Variants in PTPN11 observed in about 807,000 individuals in gnomAD.
The protein encoded by PTPN11 is protein tyrosine phosphatase non-receptor type 11, also known as tyrosine-protein phosphatase non-receptor type 11.
In PTPN11, 6 loss-of-function variants were observed where a neutral mutation model predicts 78.8. That is an observed-to-expected ratio of 0.08 (90% confidence interval 0.04 to 0.15). The LOEUF (loss-of-function observed/expected upper bound fraction) is 0.15. PTPN11 is among the 10% of genes least tolerant of loss of function. The pLI is 1.00. For synonymous variants in PTPN11, 221 were observed against 263.5 expected (o/e 0.84, Z 1.56); for missense variants, 386 against 744.8 (o/e 0.52, Z 5.61).
intron 1 of PTPN11, among the ~76,000 whole-genome samples, chr12:112,423,148 G>T (rs2037550644): frequency 6.6e-6 from 1 of 152,176 alleles, no homozygotes; most frequent in Non-Finnish European, 1.5e-5. Flanking sequence ...GAGCAAATGT[G>T]TATATGTGAC....
rs2135861812 is a variant in PTPN11, at chr12:112,450,309, C to T, written c.138-9C>T. ...TCCCCTTGCCTCCCTTTCCAATGGA[C>T]TATTTTAGAAGAAATGGAGCTGTCA... On this transcript the variant is annotated splice_polypyrimidine_tract_variant and intron_variant, in intron 2 of 15. Coordinates refer to ENST00000351677, the MANE Select transcript of PTPN11 (RefSeq NM_002834.5). The T allele has an allele frequency of 1.9e-6, 3 of 1,594,176 alleles. No homozygotes were observed. Among genetic ancestry groups the T allele is most frequent in the South Asian group, 1.1e-5 (1 of 90,660 alleles).
At chr12:112,492,769 G>A (rs1021234154) in intron 13 of PTPN11, among the ~76,000 whole-genome samples, 3 of 152,004 alleles carry the variant, frequency 2.0e-5, no homozygotes, top group Non-Finnish European at 2.9e-5. Flanking sequence ...TGCCCGCCTT[G>A]GCCTCCCAAA....
rs890181552 is a variant in PTPN11 at position 112,504,533 on chromosome 12, T to C, written c.1713-162T>C. Among the ~76,000 whole-genome samples, 4 of 152,240 alleles carry C rather than the reference T, an allele frequency of 2.6e-5. No homozygotes were observed. Among genetic ancestry groups the C allele is most frequent in the African/African-American group, 9.6e-5 (4 of 41,464 alleles). The stretch of plus-strand genomic sequence containing the variant: ...CTCTGTAATTATATTGCTGTATGGC[T>C]ATCTCTTCTCTCCCTGGGAATGTCA... On this transcript the variant is annotated intron_variant, in intron 14 of 15. Transcript: ENST00000351677. This position sits in a 1 kb window ranked among gnomAD's most constrained non-coding sequence, Gnocchi z 4.7.
chr12:112,472,008 CTGTT>C (rs1450991261), intron 6 of PTPN11, among the ~76,000 whole-genome samples: 10 of 151,744 alleles, frequency 6.6e-5, no homozygotes, highest in African/African-American at 9.7e-5. Flanking sequence ...ATTGGCCAGT[CTGTT>C]TGTCATGTCA....
intron 13 of PTPN11, among the ~76,000 whole-genome samples, chr12:112,492,497 C>T (rs1388555494): frequency 3.3e-5 from 5 of 151,534 alleles, no homozygotes; most frequent in East Asian, 3.9e-4. Flanking sequence ...CTGGAGACTG[C>T]GTAAATTACC....
intron 1 of PTPN11, among the ~76,000 whole-genome samples, chr12:112,437,889 G>T (rs2037819202): frequency 6.6e-6 from 1 of 151,974 alleles, no homozygotes. Context: ...TTTAATACAA[G>T]TTGGTCTGCC....
intron 1 of PTPN11, among the ~76,000 whole-genome samples, chr12:112,424,868 T>A (rs1056278724): frequency 2.5e-5 from 3 of 120,910 alleles, no homozygotes. Flanking sequence ...TCAGGCTAAT[T>A]GTGTGTGTGT....
Position 112,504,649 on chromosome 12 carries a change from G to A in PTPN11, c.1713-46G>A, listed in dbSNP as rs765151048. On this transcript the variant is annotated intron_variant, in intron 14 of 15. Transcript: ENST00000351677. This position sits in a 1 kb window ranked among gnomAD's most constrained non-coding sequence, Gnocchi z 4.7. Reference sequence around the variant, plus strand: ...TAGATATCATGTAAGCTTAAACAGCGTGGTCTACATTTTTGTAAATGTCTT... The same window carrying A: ...TAGATATCATGTAAGCTTAAACAGCATGGTCTACATTTTTGTAAATGTCTT... 1.0e-4 allele frequency: 140 copies of A among 1,365,866 alleles called. No individual in the cohort carries two copies. The highest frequency in any genetic ancestry group is 1.3e-4 in the Non-Finnish European group (122 of 963,218). 84.6% of individuals were successfully genotyped at this position (1,365,866 alleles called of 1,614,324 possible).
rs540495027 is a variant in PTPN11, at chr12:112,432,431, C to T, written c.14+13306C>T. On this transcript the variant is annotated intron_variant, in intron 1 of 15. Transcript: ENST00000351677. Reference sequence around the variant, plus strand: ...CTGCAATCCCAGCACTTTGGGAGGCCGAGGTGGGTGGATTGCCTGAGGTCA... The same window carrying T: ...CTGCAATCCCAGCACTTTGGGAGGCTGAGGTGGGTGGATTGCCTGAGGTCA... 1.6e-3 allele frequency among the ~76,000 whole-genome samples: 242 copies of T among 152,080 alleles called. 2 individuals are homozygous for T. Among genetic ancestry groups the T allele is most frequent in the African/African-American group, 5.5e-3 (229 of 41,492 alleles).
chr12:112,494,779 G>A (rs1279105252), intron 13 of PTPN11, among the ~76,000 whole-genome samples: 1 of 152,168 alleles, frequency 6.6e-6, no homozygotes, highest in African/African-American at 2.4e-5. Flanking sequence ...TCACATATGT[G>A]TACAGACGGT....
intron 2 of PTPN11, among the ~76,000 whole-genome samples, chr12:112,448,978 C>T (rs1359140466): frequency 2.0e-5 from 3 of 150,598 alleles, no homozygotes; most frequent in Non-Finnish European, 4.4e-5. Flanking sequence ...CTTCCGCCTC[C>T]CGGGTTCAAG....
intron 7 of PTPN11, among the ~76,000 whole-genome samples, 188 bp from the exon 8 acceptor site, chr12:112,477,463 G>A (rs2038522093): frequency 6.6e-6 from 1 of 152,122 alleles, no homozygotes; most frequent in Non-Finnish European, 1.5e-5. Flanking sequence ...AAATTGTGAA[G>A]ATGGCATTTT....
At chr12:112,426,797 T>A (rs1463911433) in intron 1 of PTPN11, among the ~76,000 whole-genome samples, 1 of 152,060 alleles carries the variant, frequency 6.6e-6, no homozygotes, top group Non-Finnish European at 1.5e-5. Context: ...TGATCTTTTT[T>A]ATTTTATTTA....
At chr12:112,435,086 G>A (rs1356768306) in intron 1 of PTPN11, among the ~76,000 whole-genome samples, 2 of 151,820 alleles carry the variant, frequency 1.3e-5, no homozygotes, top group African/African-American at 4.8e-5. Flanking sequence ...TGGCACAATC[G>A]CAGCTCACTG....
chr12:112,451,062 G>A (rs2038072749), intron 3 of PTPN11, among the ~76,000 whole-genome samples: 2 of 152,128 alleles, frequency 1.3e-5, no homozygotes, highest in Admixed American at 1.3e-4. Context: ...CCCCTGTGTT[G>A]GAACTAGGCT....
At chr12:112,462,202 A>G (rs540136388) in intron 6 of PTPN11, among the ~76,000 whole-genome samples, 24 of 152,144 alleles carry the variant, frequency 1.6e-4, no homozygotes, top group Non-Finnish European at 3.4e-4. Flanking sequence ...TACAAAAGAA[A>G]ATTAAAAATT....
intron 1 of PTPN11, among the ~76,000 whole-genome samples, chr12:112,434,456 A>G (rs2135839355): frequency 6.6e-6 from 1 of 151,920 alleles, no homozygotes; most frequent in South Asian, 2.1e-4. Context: ...AAAAATACAA[A>G]AATTAGCTGG....
chr12:112,486,360 G>C, intron 10 of PTPN11, 115 bp from the exon 11 acceptor site: 1 of 1,118,176 alleles, frequency 8.9e-7, no homozygotes, highest in Non-Finnish European at 1.3e-6. Flanking sequence ...CCTTTCAGTG[G>C]AACCTGGGGA....
intron 13 of PTPN11, among the ~76,000 whole-genome samples, chr12:112,498,921 T>A (rs1400963856): frequency 6.6e-6 from 1 of 152,220 alleles, no homozygotes; most frequent in East Asian, 1.9e-4. Flanking sequence ...TGGATTCCTT[T>A]GAGTCATTGA....
Sources: allele counts gnomAD v4.1 joint callset (sites outside exome capture counted in the v4.1 genomes callset), GRCh38; gene constraint gnomAD v4.1.1; non-coding constraint Gnocchi (gnomAD v3.1); transcripts MANE v1.5; gene names NCBI Gene and HGNC (gene_info 2026-07-23, HGNC 2026-07-21).